PEPD: variants seen among roughly 807,000 people sequenced by gnomAD.
The protein encoded by PEPD is xaa-Pro dipeptidase.
In PEPD, 53 loss-of-function variants were observed where a neutral mutation model predicts 60.7. That is an observed-to-expected ratio of 0.87 (90% CI 0.70 to 1.10). The LOEUF (loss-of-function observed/expected upper bound fraction) is 1.10. Among genes scored for constraint, PEPD ranks in the 50% least tolerant of loss-of-function variants. PEPD has a pLI of 0.00. For missense variants in PEPD, 711 were observed against 711.9 expected (o/e 1.00, Z 0.01); for synonymous variants, 267 against 284.1 (o/e 0.94, Z 0.60).
rs766724752 is a variant in PEPD, at chr19:33,512,273, A to T, written c.201+320T>A. ...AATGGGTATAATGCTAAGATGTGTG[A>T]AAGTGGGCCCAGCTCAGAGCCTCAC... On this transcript the variant is annotated intron_variant, in intron 2 of 14. Coordinates refer to ENST00000244137, the MANE Select transcript of PEPD (RefSeq NM_000285.4). Among the ~76,000 whole-genome samples the T allele has an allele frequency of 2.6e-5, 4 of 152,186 alleles. No homozygotes were observed. In the South Asian group the frequency reaches 6.2e-4, roughly 24 times the overall value.
intron 6 of PEPD, 105 bp from the exon 7 acceptor site, chr19:33,478,195 C>T (rs1970257656): frequency 1.3e-6 from 1 of 780,172 alleles, no homozygotes; most frequent in Non-Finnish European, 2.3e-6. Context: ...AAAGAGGGTC[C>T]CACACTTTAA....
intron 6 of PEPD, among the ~76,000 whole-genome samples, chr19:33,484,017 A>ACAGGGG (rs901364118): frequency 1.6e-4 from 24 of 152,140 alleles, no homozygotes; most frequent in African/African-American, 5.5e-4. Context: ...AGCCAACTGA[A>ACAGGGG]CAGGGGCAGG....
intron 11 of PEPD, among the ~76,000 whole-genome samples, chr19:33,407,781 C>T (rs964666710): frequency 2.6e-5 from 4 of 152,242 alleles, no homozygotes; most frequent in Non-Finnish European, 4.4e-5. Flanking sequence ...GCAAAACCCC[C>T]GGAGGCTTGA....
intron 7 of PEPD, among the ~76,000 whole-genome samples, chr19:33,470,716 G>A (rs1970106448): frequency 6.6e-6 from 1 of 152,180 alleles, no homozygotes; most frequent in Non-Finnish European, 1.5e-5. Context: ...CCAGACAACA[G>A]CTCATTTCCA....
At chr19:33,476,113 G>A (rs1316547630) in intron 7 of PEPD, among the ~76,000 whole-genome samples, 1 of 152,122 alleles carries the variant, frequency 6.6e-6, no homozygotes, top group Non-Finnish European at 1.5e-5. Flanking sequence ...TGATTCTCTC[G>A]TGTTTGTCTC....
At chr19:33,516,649 T>C (rs114423766) in intron 1 of PEPD, among the ~76,000 whole-genome samples, 1,774 of 152,186 alleles carry the variant, frequency 0.012, 39 homozygotes, top group African/African-American at 0.041. Context: ...TGCAGGGCTC[T>C]TACCTAAGGC....
chr19:33,387,854 G>A (rs1442337861), intron 14 of PEPD, 36 bp downstream of exon 14: 2 of 1,509,402 alleles, frequency 1.3e-6, no homozygotes, highest in African/African-American at 1.4e-5. Context: ...GGTGGCAGAT[G>A]TTCTGGGAGC....
chr19:33,393,475 G>A (rs1287767861), intron 12 of PEPD, among the ~76,000 whole-genome samples: 1 of 146,520 alleles, frequency 6.8e-6, no homozygotes, highest in African/African-American at 2.7e-5. Flanking sequence ...CAGCCCACTT[G>A]GCCGCTCCCC....
At chr19:33,387,806 C>T in intron 14 of PEPD, 84 bp downstream of exon 14, 1 of 1,157,288 alleles carries the variant, frequency 8.6e-7, no homozygotes, top group Non-Finnish European at 1.3e-6. Context: ...TCACTAGGGC[C>T]CCTGTCTTGG....
intron 7 of PEPD, among the ~76,000 whole-genome samples, chr19:33,468,109 G>A (rs928163456): frequency 2.6e-5 from 4 of 152,276 alleles, no homozygotes; most frequent in Non-Finnish European, 4.4e-5. Context: ...GCCACCCGGT[G>A]AGGGAGGTCT....
chr19:33,398,397 A>G (rs192251338), intron 12 of PEPD, among the ~76,000 whole-genome samples: 1 of 152,358 alleles, frequency 6.6e-6, no homozygotes, highest in African/African-American at 2.4e-5. Context: ...TGTGATGGTG[A>G]CACAGTTCGC....
chr19:33,414,361 C>A (rs577099690), intron 9 of PEPD, among the ~76,000 whole-genome samples: 199 of 152,344 alleles, frequency 1.3e-3, no homozygotes, highest in Non-Finnish European at 2.1e-3. Flanking sequence ...GAACCTGCAC[C>A]GGGGAGGCCT....
chr19:33,467,229 C>G (rs1323339150), intron 7 of PEPD, among the ~76,000 whole-genome samples: 1 of 149,312 alleles, frequency 6.7e-6, no homozygotes, highest in African/African-American at 2.4e-5. Context: ...GGAGCCTCCT[C>G]TTGAGGGAGG....
rs766670788 is a variant in PEPD at position 33,387,880 on chromosome 19, G to A, written c.1344+10C>T. On this transcript the variant is annotated intron_variant, in intron 14 of 14. Coordinates refer to ENST00000244137, the MANE Select transcript of PEPD (RefSeq NM_000285.4). ...TTCTGGGAGCAAGAATGGGGCCCGT[G>A]GGCACTCACCCCGCCAAAACCGCGA... 2.6e-6 allele frequency: 4 copies of A among 1,554,150 alleles called. No individual in the cohort carries two copies. Among genetic ancestry groups the A allele is most frequent in the Non-Finnish European group, 3.5e-6 (4 of 1,148,710 alleles).
chr19:33,469,694 C>A (rs1176575960), intron 7 of PEPD, among the ~76,000 whole-genome samples: 1 of 152,126 alleles, frequency 6.6e-6, no homozygotes, highest in Non-Finnish European at 1.5e-5. Context: ...GCTTCCTCTA[C>A]AAGTGAAGAA....
chr19:33,387,329 G>C lies in PEPD; in HGVS notation c.*15C>G. 6.2e-7 allele frequency: 1 copy of C among 1,613,742 alleles called. No individual in the cohort carries two copies. Among genetic ancestry groups the C allele is most frequent in the Non-Finnish European group, 8.5e-7 (1 of 1,179,986 alleles). On this transcript the variant is annotated 3_prime_UTR_variant, in exon 15 of 15. Transcript: ENST00000244137. ...AAGGCCAGGCCCCCAGGTGCGCTGG[G>C]ATTTCTGGCTGGCTCTACTTGGGGC...
intron 9 of PEPD, among the ~76,000 whole-genome samples, chr19:33,448,034 C>T (rs1339724261): frequency 6.6e-6 from 1 of 152,188 alleles, no homozygotes; most frequent in African/African-American, 2.4e-5. Flanking sequence ...GCAGACATGC[C>T]TGCCGGCAGG....
intron 13 of PEPD, among the ~76,000 whole-genome samples, chr19:33,390,817 G>A (rs577701285): frequency 1.7e-4 from 26 of 152,316 alleles, no homozygotes; most frequent in Admixed American, 1.5e-3. Flanking sequence ...AGGAGAGGGC[G>A]AACCAGCGGC....
chr19:33,470,254 A>G (rs1004407374), intron 7 of PEPD, among the ~76,000 whole-genome samples: 1 of 151,960 alleles, frequency 6.6e-6, no homozygotes, highest in Non-Finnish European at 1.5e-5. Flanking sequence ...CCCTGATAGC[A>G]GCTGGGGATC....
Sources: allele counts gnomAD v4.1 joint callset (sites outside exome capture counted in the v4.1 genomes callset), GRCh38; gene constraint gnomAD v4.1.1; transcripts MANE v1.5; gene names NCBI Gene and HGNC (gene_info 2026-07-23, HGNC 2026-07-21).